USP8: variants seen among roughly 807,000 people sequenced by gnomAD.
USP8 encodes ubiquitin carboxyl-terminal hydrolase 8.
In USP8, 27 loss-of-function variants were observed where a neutral mutation model predicts 130.0. The ratio of observed to expected loss-of-function variants is 0.21; its 90% CI spans 0.15 to 0.29. The LOEUF (loss-of-function observed/expected upper bound fraction) is 0.29. Ranked by LOEUF, USP8 falls within the 10% of genes least tolerant of loss-of-function variation. The pLI is 1.00. For missense variants in USP8, 1,029 were observed against 1,312.2 expected, an observed-to-expected ratio of 0.78 and a Z score of 3.33; for synonymous variants, 392 against 444.1, an observed-to-expected ratio of 0.88 and a Z score of 1.48.
At chr15:50,466,981 A>T (rs2051212681) in intron 7 of USP8, 1 of 495,968 alleles carries the variant, frequency 2.0e-6, no homozygotes, top group Non-Finnish European at 3.7e-6. Context: ...GATCATTTCC[A>T]TATGAGAATC....
rs1595981290 is a variant in USP8 at position 50,490,195 on chromosome 15, G to A, written c.1972-68G>A. 7 of 1,454,150 alleles carry A rather than the reference G, an allele frequency of 4.8e-6. No individual in the cohort carries two copies. The East Asian group carries it at 1.4e-4, about 28-fold the overall frequency. The allele number at this position is 1,454,150 out of a possible 1,614,324, so 90.1% of individuals were successfully genotyped here. On this transcript the variant is annotated intron_variant, in intron 13 of 19. Transcript: ENST00000307179. ...TAAATTTAGCAGAATACTTTGGAGT[G>A]ATTTCTTTGTTTATATAATGCTTAT...
chr15:50,458,194 T>G (rs759064541), intron 4 of USP8, among the ~76,000 whole-genome samples: 1 of 152,112 alleles, frequency 6.6e-6, no homozygotes, highest in Non-Finnish European at 1.5e-5. Flanking sequence ...CTCTGTTACC[T>G]AGGCTGGAGT....
At chr15:50,485,037 G>A (rs2141308943) in intron 12 of USP8, among the ~76,000 whole-genome samples, 1 of 152,264 alleles carries the variant, frequency 6.6e-6, no homozygotes, top group African/African-American at 2.4e-5. Flanking sequence ...TTTACAAGAT[G>A]AAAAGAGTTC....
rs1167544064 is a variant in USP8, at chr15:50,506,950, T to G, written c.*7862T>G. Reference sequence around the variant, plus strand: ...TCCAGCCTGGGCGACAGAGCGAGACTTCATCTCAAAAAAAAAAAAAAAAAA... The same window carrying G: ...TCCAGCCTGGGCGACAGAGCGAGACGTCATCTCAAAAAAAAAAAAAAAAAA... On this transcript the variant is annotated 3_prime_UTR_variant, in exon 20 of 20. Transcript: ENST00000307179. The G allele has an allele frequency of 1.1e-5, 1 of 87,508 alleles. No homozygotes were observed. Among genetic ancestry groups the G allele is most frequent in the African/African-American group, 5.2e-5 (1 of 19,138 alleles). The allele number at this position is 87,508 out of a possible 1,614,324, so 5.4% of individuals were successfully genotyped here.
In USP8 at chr15:50,465,087, T is replaced by C; in HGVS notation, c.582T>C (p.Asp194=). 1.9e-6 allele frequency: 3 copies of C among 1,614,120 alleles called. No homozygotes were observed. The highest frequency in any genetic ancestry group is 2.5e-6 in the Non-Finnish European group (3 of 1,180,014). Residue 194 remains aspartate (D), a synonymous_variant, in exon 7 of 20, where the codon GAT becomes GAC. Coordinates refer to ENST00000307179, the MANE Select transcript of USP8 (RefSeq NM_005154.5). ...TAKELYTMMT[D]KNISLIIMDA... Reference sequence around the variant, plus strand: ...AGGAACTATACACAATGATGACGGATAAAAACATCAGCTTGATTATAATGG... The same window carrying C: ...AGGAACTATACACAATGATGACGGACAAAAACATCAGCTTGATTATAATGG...
Position 50,482,744 on chromosome 15 carries a change from A to C in USP8, c.1803+679A>C, listed in dbSNP as rs150059313. 3.7e-3 allele frequency among the ~76,000 whole-genome samples: 567 copies of C among 152,310 alleles called. 4 individuals carry two copies. The highest frequency in any genetic ancestry group is 0.013 in the African/African-American group (550 of 41,560). ...TTTTGAACACCAAGTATATGTTTAT[A>C]ATACCAAGAACAGTTATGGTCCTTT... On this transcript the variant is annotated intron_variant, in intron 11 of 19. Coordinates refer to ENST00000307179, the MANE Select transcript of USP8 (RefSeq NM_005154.5).
intron 11 of USP8, among the ~76,000 whole-genome samples, 179 bp from the exon 12 acceptor site, chr15:50,484,096 G>A (rs1310140396): frequency 6.6e-6 from 1 of 151,712 alleles, no homozygotes; most frequent in Non-Finnish European, 1.5e-5. Context: ...ATTCATCAGA[G>A]TTCTTTAGTT....
intron 4 of USP8, among the ~76,000 whole-genome samples, chr15:50,457,511 TC>T (rs2050828505): frequency 6.7e-6 from 1 of 148,670 alleles, no homozygotes; most frequent in Non-Finnish European, 1.5e-5. Flanking sequence ...TGAGCTGAGA[TC>T]ATGGGACTGT....
In USP8 at chr15:50,508,844, AAG is replaced by A. The variant is rs1191930666; in HGVS notation, c.*9759_*9760del. 6.6e-6 allele frequency: 1 copy of A among 151,898 alleles called. No homozygotes were observed. Among genetic ancestry groups the A allele is most frequent in the Admixed American group, 6.6e-5 (1 of 15,240 alleles). 9.4% of individuals were successfully genotyped at this position (151,898 alleles called of 1,614,324 possible). A position where few individuals can be genotyped will look rare whatever the true frequency, so the allele number is the denominator to read the frequency against. ...AAAACCCCGTCTCTATAAAAAAAAA[AAG>A]AGTACAGGCCAGGCGCGGTGGCTCA... On this transcript the variant is annotated 3_prime_UTR_variant, in exon 20 of 20. Transcript: ENST00000307179.
chr15:50,455,188 G>A (rs866290877), intron 4 of USP8, among the ~76,000 whole-genome samples: 7 of 151,134 alleles, frequency 4.6e-5, no homozygotes, highest in Middle Eastern at 3.4e-3. Flanking sequence ...TGATTCTCCC[G>A]CCTTCACCTC....
intron 14 of USP8, among the ~76,000 whole-genome samples, chr15:50,491,789 TC>T (rs1245777608): frequency 6.6e-6 from 1 of 152,214 alleles, no homozygotes; most frequent in East Asian, 1.9e-4. Flanking sequence ...AGCAGATCTT[TC>T]CATGGTGATA....
chr15:50,493,159 G>T, intron 15 of USP8: 1 of 578,912 alleles, frequency 1.7e-6, no homozygotes, highest in Admixed American at 2.2e-5. Context: ...GGACAGACTC[G>T]TCCTGTCGAG....
Position 50,481,622 on chromosome 15 carries a change from A to G in USP8, c.1360A>G (p.Thr454Ala), listed in dbSNP as rs1367863703. 5.6e-6 allele frequency: 9 copies of G among 1,614,008 alleles called. No homozygotes were observed. The highest frequency in any genetic ancestry group is 8.5e-7 in the Non-Finnish European group (1 of 1,179,994). Residue 454 changes from threonine to alanine, a missense_variant, in exon 11 of 20, where the codon ACT becomes GCT. By Grantham distance (58) the Thr-to-Ala change is moderately conservative. Coordinates refer to ENST00000307179, the MANE Select transcript of USP8 (RefSeq NM_005154.5). ...CACCAAGCCAGTAGTTTTTTCTCCA[A>G]CTCTCATGTTAACAGATGAAGAAAA... ...RSTKPVVFSP[T>A]LMLTDEEKAR...
intron 18 of USP8, 72 bp downstream of exon 18, chr15:50,497,303 CTTG>C (rs911208962): frequency 2.3e-5 from 35 of 1,511,790 alleles, no homozygotes; most frequent in Admixed American, 1.6e-4. Context: ...GTAATTTATA[CTTG>C]TTGTACTGCC....
At chr15:50,475,909 T>G (rs867677576) in intron 8 of USP8, among the ~76,000 whole-genome samples, 6 of 151,890 alleles carry the variant, frequency 4.0e-5, no homozygotes, top group Non-Finnish European at 4.4e-5. Context: ...GACCAATATA[T>G]TTATATATAT....
chr15:50,449,497 A>T lies in USP8; in HGVS notation c.335+12A>T. ...AGCCTTAAATTAAGGTACAGATATT[A>T]TGAAATATTTAAAATAATGTAAATT... On this transcript the variant is annotated intron_variant, in intron 4 of 19. Transcript: ENST00000307179. The T allele has an allele frequency of 6.7e-7, 1 of 1,482,542 alleles. No individual in the cohort carries two copies. Among genetic ancestry groups the T allele is most frequent in the Non-Finnish European group, 9.1e-7 (1 of 1,097,040 alleles). The allele number at this position is 1,482,542 out of a possible 1,614,324, so 91.8% of individuals were successfully genotyped here.
At chr15:50,477,809 C>G (rs1303093131) in intron 10 of USP8, among the ~76,000 whole-genome samples, 1 of 150,812 alleles carries the variant, frequency 6.6e-6, no homozygotes, top group Non-Finnish European at 1.5e-5. Flanking sequence ...CCACTGCACC[C>G]CAGCCTGGGT....
At position 50,505,616 on chromosome 15, in the gene USP8, T is replaced by C. The variant is rs1365818943; in HGVS notation, c.*6528T>C. 6.6e-6 allele frequency: 1 copy of C among 152,100 alleles called. No homozygotes were observed. Among genetic ancestry groups the C allele is most frequent in the Non-Finnish European group, 1.5e-5 (1 of 68,026 alleles). The allele number at this position is 152,100 out of a possible 1,614,324, so 9.4% of individuals were successfully genotyped here. ...GAAGATCCGGGCAAATATAACCCAA[T>C]ATGAACAGTAGAAAACCATGATAAT... On this transcript the variant is annotated 3_prime_UTR_variant, in exon 20 of 20. Coordinates refer to ENST00000307179, the MANE Select transcript of USP8 (RefSeq NM_005154.5).
chr15:50,492,252 C>T lies in USP8; in HGVS notation c.2235-449C>T, dbSNP rs114424214. On this transcript the variant is annotated intron_variant, in intron 14 of 19. Coordinates refer to ENST00000307179, the MANE Select transcript of USP8 (RefSeq NM_005154.5). ...AATAGTACCCAAATAACCTCTGCTT[C>T]CCTTGATATCTACTCCACGGTATGG... is the stretch of plus-strand genomic sequence containing the variant. 4.0e-3 allele frequency among the ~76,000 whole-genome samples: 603 copies of T among 152,288 alleles called. 5 individuals are homozygous for T. Among genetic ancestry groups the T allele is most frequent in the African/African-American group, 0.014 (570 of 41,552 alleles).
Sources: gnomAD v4.1 joint callset for allele counts (sites outside exome capture counted in the v4.1 genomes callset) on GRCh38, gnomAD v4.1.1 for gene constraint, MANE v1.5 for transcripts, NCBI Gene and HGNC (gene_info 2026-07-23, HGNC 2026-07-21) for gene names.